The following RIMBP2 variants were observed in gnomAD, a reference collection of about 807,000 sequenced individuals.
RIMBP2 encodes the protein RIMS binding protein 2, also known as RIMS-binding protein 2.
Under a neutral mutation model 118.6 loss-of-function variants are expected in RIMBP2, and 48 were observed. The ratio of observed to expected loss-of-function variants is 0.40; its 90% CI spans 0.32 to 0.51. The LOEUF (loss-of-function observed/expected upper bound fraction) is 0.51, where lower values mean the gene tolerates loss of function less well. Ranked by LOEUF, RIMBP2 falls within the 20% of genes least tolerant of loss-of-function variation. RIMBP2 has a pLI of 0.41. For missense variants in RIMBP2, 1,551 were observed against 1,768.3 expected, an observed-to-expected ratio of 0.88 and a Z score of 2.20; for synonymous variants, 762 against 742.9, an observed-to-expected ratio of 1.03 and a Z score of -0.42.
At chr12:130,462,640 T>G (rs1187511156) in intron 6 of RIMBP2, among the ~76,000 whole-genome samples, 1 of 152,234 alleles carries the variant, frequency 6.6e-6, no homozygotes, top group Non-Finnish European at 1.5e-5. Context: ...TGGTCCTGTG[T>G]GTGGACGCTG....
At chr12:130,445,888 C>T (rs972983768) in intron 9 of RIMBP2, among the ~76,000 whole-genome samples, 10 of 152,058 alleles carry the variant, frequency 6.6e-5, no homozygotes, top group Non-Finnish European at 1.5e-5. Context: ...CATATTTTTG[C>T]ACACTTCCAC....
intron 2 of RIMBP2, among the ~76,000 whole-genome samples, chr12:130,596,575 G>A (rs968392330): frequency 2.0e-5 from 3 of 152,170 alleles, no homozygotes; most frequent in Admixed American, 6.5e-5. Flanking sequence ...ACACAATGCC[G>A]AAGCCTAGAG....
chr12:130,486,156 G>A (rs1399956287), intron 4 of RIMBP2, among the ~76,000 whole-genome samples: 1 of 152,094 alleles, frequency 6.6e-6, no homozygotes, highest in Non-Finnish European at 1.5e-5. Flanking sequence ...TCACTCGGCT[G>A]AGATTCTCCC....
chr12:130,438,976 C>A (rs2077774885), intron 11 of RIMBP2, among the ~76,000 whole-genome samples: 2 of 151,914 alleles, frequency 1.3e-5, no homozygotes, highest in Admixed American at 1.3e-4. Flanking sequence ...CCCGCCCGCC[C>A]CTCATCCTCT....
chr12:130,613,683 G>A (rs1017452228), intron 2 of RIMBP2, among the ~76,000 whole-genome samples: 4 of 151,886 alleles, frequency 2.6e-5, no homozygotes, highest in African/African-American at 7.3e-5. Context: ...GTGTGGTGGC[G>A]GGTGCCTGTG....
chr12:130,549,922 G>A (rs371460318), intron 2 of RIMBP2, among the ~76,000 whole-genome samples: 3 of 152,102 alleles, frequency 2.0e-5, no homozygotes, highest in African/African-American at 4.8e-5. Flanking sequence ...AGCTCTTTGA[G>A]GAGTCGCCAT....
In RIMBP2 at chr12:130,428,311, G is replaced by A. The variant is rs759963966; in HGVS notation, c.2280C>T (p.Tyr760=). ...CAGACCCCCGGCTGCTCTCTGTGTG[G>A]TACTCGTCTCCATGGCAACAGTGCG... ...KQPHCCHGDE[Y]HTESSRGSDL... Residue 760 remains tyrosine, a synonymous_variant, in exon 15 of 23, where the codon TAC becomes TAT. Coordinates refer to ENST00000690449, the MANE Select transcript of RIMBP2 (RefSeq NM_001393629.1). 1.9e-6 allele frequency: 3 copies of A among 1,611,914 alleles called. No homozygotes were observed. In the African/African-American group the frequency reaches 4.0e-5, roughly 22 times the overall value.
chr12:130,558,556 A>T (rs1279868083), intron 2 of RIMBP2, among the ~76,000 whole-genome samples: 1 of 152,102 alleles, frequency 6.6e-6, no homozygotes, highest in Non-Finnish European at 1.5e-5. Context: ...GACTCCAGGG[A>T]CCCAAAAAAG....
rs115782079 is a variant in RIMBP2 at position 130,547,993 on chromosome 12, G to C, written c.-216-30076C>G. ...CACAGACCTCCATGTATGGGGCTAA[G>C]GATGATCGTATGTCAAGTAGTAGAC... On this transcript the variant is annotated intron_variant, in intron 2 of 22. Transcript: ENST00000690449. Among the ~76,000 whole-genome samples, 738 of 152,314 alleles carry C rather than the reference G, an allele frequency of 4.8e-3. 5 individuals carry two copies. The highest frequency in any genetic ancestry group is 0.017 in the African/African-American group (709 of 41,570).
intron 7 of RIMBP2, among the ~76,000 whole-genome samples, chr12:130,453,655 A>G (rs1340380163): frequency 2.0e-5 from 3 of 152,208 alleles, no homozygotes; most frequent in African/African-American, 7.2e-5. Context: ...AGAAGCAGAG[A>G]ACAGAACAGT....
At position 130,669,871 on chromosome 12, in the gene RIMBP2, G is replaced by A. The variant is rs374607758; in HGVS notation, c.-351-41415C>T. ...TAACAAGCACCGTCTTCAAGTGTCC[G>A]TACTTGGGATCTGTGGTGGGTTGAA... is the stretch of plus-strand genomic sequence containing the variant. On this transcript the variant is annotated intron_variant, in intron 1 of 22. Coordinates refer to ENST00000690449, the MANE Select transcript of RIMBP2 (RefSeq NM_001393629.1). Among the ~76,000 whole-genome samples the A allele has an allele frequency of 2.4e-4, 36 of 152,122 alleles. No homozygotes were observed. In the East Asian group the frequency reaches 3.3e-3, roughly 14 times the overall value.
At position 130,407,647 on chromosome 12, in the gene RIMBP2, G is replaced by A. The variant is rs895955387; in HGVS notation, c.3693+79C>T. 7.7e-5 allele frequency: 83 copies of A among 1,079,882 alleles called. 2 individuals carry two copies. Among genetic ancestry groups the A allele is most frequent in the African/African-American group, 1.1e-4 (7 of 64,630 alleles). 66.9% of individuals were successfully genotyped at this position (1,079,882 alleles called of 1,614,324 possible). A position where few individuals can be genotyped will look rare whatever the true frequency, so the allele number is the denominator to read the frequency against. ...AGAAGGAATGAGGAGGTGAACACAC[G>A]TGGCCTCAGTGTGGTGTACCACGAG... On this transcript the variant is annotated intron_variant, in intron 20 of 22. Transcript: ENST00000690449.
intron 2 of RIMBP2, among the ~76,000 whole-genome samples, chr12:130,527,810 C>T (rs2052968795): frequency 2.0e-5 from 3 of 150,182 alleles, no homozygotes; most frequent in South Asian, 2.1e-4. Context: ...CAAAAGAAGA[C>T]ATTTATGTGG....
chr12:130,427,521 C>G (rs1032354795), intron 15 of RIMBP2: 3 of 152,280 alleles, frequency 2.0e-5, no homozygotes, highest in Admixed American at 6.5e-5. Context: ...GGAAACCCAC[C>G]CTCCTTGGCT....
chr12:130,645,185 C>G (rs2062804091), intron 1 of RIMBP2, among the ~76,000 whole-genome samples: 1 of 151,934 alleles, frequency 6.6e-6, no homozygotes, highest in Non-Finnish European at 1.5e-5. Flanking sequence ...CGTCCACCTC[C>G]CAGGTTCAAG....
Position 130,507,840 on chromosome 12 carries a change from C to G in RIMBP2, c.-126-1070G>C, listed in dbSNP as rs993287674. 1.6e-3 allele frequency among the ~76,000 whole-genome samples: 242 copies of G among 152,294 alleles called. 2 individuals are homozygous for G. Among genetic ancestry groups the G allele is most frequent in the African/African-American group, 5.5e-3 (228 of 41,554 alleles). ...AATAACAGACTAACATAATGTCACG[C>G]TTTTCAGCTGCAGAAGTCCTTTCTA... On this transcript the variant is annotated intron_variant, in intron 3 of 22. Coordinates refer to ENST00000690449, the MANE Select transcript of RIMBP2 (RefSeq NM_001393629.1).
chr12:130,425,197 G>A (rs979753352), intron 15 of RIMBP2: 1 of 215,694 alleles, frequency 4.6e-6, no homozygotes, highest in African/African-American at 2.3e-5. Flanking sequence ...TGCTGTAGAT[G>A]GTGGGTGTGG....
In RIMBP2 at chr12:130,436,994, G is replaced by A. The variant is rs143584336; in HGVS notation, c.1954C>T (p.His652Tyr). Residue 652 changes from histidine to tyrosine, a missense_variant, in exon 13 of 23, where the codon CAT becomes TAT. His to Tyr is a moderately conservative substitution (Grantham distance 83). This residue lies in a region of RIMBP2 where 1,038 missense variants were observed against 1,125.1 expected (regional missense o/e 0.92). Coordinates refer to ENST00000690449, the MANE Select transcript of RIMBP2 (RefSeq NM_001393629.1). The part of the protein sequence containing the change: ...WEQSRAPGPV[H>Y]GHMLEPPVGP... ...ACGGGCGGCTCCAGCATGTGCCCAT[G>A]CACAGGGCCAGGTGCACGGCTCTGC... 4.4e-6 allele frequency: 7 copies of A among 1,608,332 alleles called. No homozygotes were observed. The South Asian group carries it at 6.7e-5, about 15-fold the overall frequency.
chr12:130,472,357 G>C (rs1033046987), intron 5 of RIMBP2: 1 of 152,362 alleles, frequency 6.6e-6, no homozygotes, highest in East Asian at 1.9e-4. Flanking sequence ...AGACAGAGAA[G>C]AAAAGACGAA....
Sources: gnomAD v4.1 joint callset for allele counts (sites outside exome capture counted in the v4.1 genomes callset) on GRCh38, gnomAD v4.1.1 for gene constraint, gnomAD v4.1.1 regional missense constraint, MANE v1.5 for transcripts, NCBI Gene and HGNC (gene_info 2026-07-23, HGNC 2026-07-21) for gene names.